Variants in MYRIP observed in about 807,000 individuals in gnomAD.
The protein encoded by MYRIP is rab effector MyRIP.
Under a neutral mutation model 98.0 loss-of-function variants are expected in MYRIP, and 49 were observed. The observed-to-expected ratio is 0.50, with a 90% CI of 0.40 to 0.63. The LOEUF is 0.63. Ranked by LOEUF, MYRIP falls within the 30% of genes least tolerant of loss-of-function variation. MYRIP has a pLI of 0.00. For synonymous variants in MYRIP, 404 were observed against 409.5 expected (o/e 0.99, Z 0.16); for missense variants, 1,004 against 1,058.2 (o/e 0.95, Z 0.71).
chr3:39,962,243 G>A (rs1192798018), intron 2 of MYRIP, among the ~76,000 whole-genome samples: 1 of 152,044 alleles, frequency 6.6e-6, no homozygotes, highest in African/African-American at 2.4e-5. Context: ...AAAAATTTAG[G>A]CATCACCTGA....
intron 11 of MYRIP, among the ~76,000 whole-genome samples, chr3:40,223,292 TAAAAG>T (rs1407234467): frequency 2.0e-5 from 3 of 151,972 alleles, no homozygotes; most frequent in Admixed American, 1.3e-4. Context: ...TTAGAAAAAA[TAAAAG>T]AGGTGTGAAG....
chr3:40,116,021 A>G (rs1307619794), intron 3 of MYRIP, among the ~76,000 whole-genome samples: 1 of 152,190 alleles, frequency 6.6e-6, no homozygotes, highest in Non-Finnish European at 1.5e-5. Context: ...TAGAACAGGT[A>G]TAGAAATTGG....
chr3:39,912,962 C>G (rs1420152778), intron 2 of MYRIP, among the ~76,000 whole-genome samples: 1 of 152,106 alleles, frequency 6.6e-6, no homozygotes, highest in Non-Finnish European at 1.5e-5. Flanking sequence ...ATCACTTGAA[C>G]CCAGGAGGCG....
In MYRIP at chr3:40,170,233, T is replaced by G. The variant is rs997680817; in HGVS notation, c.873+140T>G. 61 of 1,088,646 alleles carry G rather than the reference T, an allele frequency of 5.6e-5. No individual in the cohort carries two copies. In the Middle Eastern group the frequency reaches 9.4e-4, roughly 17 times the overall value. The allele number at this position is 1,088,646 out of a possible 1,614,324, so 67.4% of individuals were successfully genotyped here. ...TGGGGAGCGAAATTGAAAGAGAAAG[T>G]GAGTGTGAGTCGGGGGCCAGGAAGG... On this transcript the variant is annotated intron_variant, in intron 8 of 16. Coordinates refer to ENST00000302541, the MANE Select transcript of MYRIP (RefSeq NM_015460.4).
At chr3:39,857,521 AAGAC>A (rs1942342562) in intron 1 of MYRIP, among the ~76,000 whole-genome samples, 1 of 152,206 alleles carries the variant, frequency 6.6e-6, no homozygotes, top group Non-Finnish European at 1.5e-5. Flanking sequence ...CCTGAACTCT[AAGAC>A]AGGTCAATTG....
chr3:40,140,712 T>A (rs965304826), intron 3 of MYRIP, among the ~76,000 whole-genome samples: 1 of 152,156 alleles, frequency 6.6e-6, no homozygotes, highest in Non-Finnish European at 1.5e-5. Context: ...CTCTAATGAT[T>A]AGTAATTTGA....
chr3:40,133,137 A>G (rs1268958870), intron 3 of MYRIP, among the ~76,000 whole-genome samples: 1 of 152,252 alleles, frequency 6.6e-6, no homozygotes, highest in African/African-American at 2.4e-5. Flanking sequence ...AAGAACACAA[A>G]GTCTACATAA....
chr3:40,093,670 C>T (rs1432104235), intron 3 of MYRIP, among the ~76,000 whole-genome samples: 3 of 152,226 alleles, frequency 2.0e-5, no homozygotes, highest in South Asian at 2.1e-4. Flanking sequence ...TACCTGGGCT[C>T]ATTCTTGTCT....
chr3:40,100,212 G>C (rs1459235089), intron 3 of MYRIP: 2 of 985,300 alleles, frequency 2.0e-6, no homozygotes, highest in Non-Finnish European at 2.4e-6. Flanking sequence ...AGCTAAATTT[G>C]AGTAGAAGAG....
At chr3:40,172,781 C>T (rs1189724249) in intron 8 of MYRIP, among the ~76,000 whole-genome samples, 2 of 152,200 alleles carry the variant, frequency 1.3e-5, no homozygotes, top group East Asian at 1.9e-4. Context: ...TTCCTTCCCC[C>T]ACACAGCCAG....
Position 39,876,361 on chromosome 3 carries a change from T to G in MYRIP, c.-30-24426T>G, listed in dbSNP as rs530409707. Among the ~76,000 whole-genome samples the G allele has an allele frequency of 3.0e-4, 46 of 152,238 alleles. 1 individual carries two copies. The highest frequency in any genetic ancestry group is 9.6e-4 in the African/African-American group (40 of 41,458). ...TTTACATTTAAAGTTAATACTGTTA[T>G]GTGTGAATTTGATCCTGTCATTATG... On this transcript the variant is annotated intron_variant, in intron 1 of 16. Coordinates refer to ENST00000302541, the MANE Select transcript of MYRIP (RefSeq NM_015460.4).
At chr3:40,011,704 G>A (rs1041848761) in intron 2 of MYRIP, among the ~76,000 whole-genome samples, 1 of 152,078 alleles carries the variant, frequency 6.6e-6, no homozygotes, top group Admixed American at 6.5e-5. Flanking sequence ...CAATTTGACA[G>A]ATAGATTTAG....
intron 2 of MYRIP, among the ~76,000 whole-genome samples, chr3:39,944,116 A>G (rs1944849221): frequency 1.3e-5 from 2 of 152,184 alleles, no homozygotes; most frequent in Non-Finnish European, 2.9e-5. Context: ...AGGCTCATAC[A>G]TTACTGAGTG....
intron 1 of MYRIP, among the ~76,000 whole-genome samples, chr3:39,872,395 G>A (rs1278988184): frequency 6.6e-6 from 1 of 151,600 alleles, no homozygotes; most frequent in East Asian, 1.9e-4. Context: ...GTGCAGGTTA[G>A]TTACATATGT....
intron 1 of MYRIP, among the ~76,000 whole-genome samples, chr3:39,846,976 G>T (rs1446352784): frequency 6.6e-6 from 1 of 152,122 alleles, no homozygotes; most frequent in Non-Finnish European, 1.5e-5. Flanking sequence ...CATTCTTTTT[G>T]TTCTATCCAG....
chr3:39,832,679 A>C (rs1941486007), intron 1 of MYRIP, among the ~76,000 whole-genome samples: 1 of 152,200 alleles, frequency 6.6e-6, no homozygotes, highest in Admixed American at 6.5e-5. Context: ...GGAAAGAAAT[A>C]ATTTTAGTGT....
chr3:39,879,439 G>A (rs961989052), intron 1 of MYRIP, among the ~76,000 whole-genome samples: 1 of 151,690 alleles, frequency 6.6e-6, no homozygotes, highest in Admixed American at 6.6e-5. Flanking sequence ...ACATTGTGGA[G>A]GATATAGTAC....
chr3:39,916,120 C>T (rs992383854), intron 2 of MYRIP, among the ~76,000 whole-genome samples: 9 of 152,096 alleles, frequency 5.9e-5, no homozygotes, highest in Admixed American at 1.3e-4. Flanking sequence ...CTTTGTTTTT[C>T]AAGAACAGTC....
chr3:39,886,162 C>T (rs1479500984), intron 1 of MYRIP, among the ~76,000 whole-genome samples: 3 of 151,726 alleles, frequency 2.0e-5, no homozygotes, highest in Admixed American at 2.0e-4. Flanking sequence ...ACCACCAGGC[C>T]TGCCCTAAAA....
Sources: gnomAD v4.1 joint callset for allele counts (sites outside exome capture counted in the v4.1 genomes callset) on GRCh38, gnomAD v4.1.1 for gene constraint, MANE v1.5 for transcripts, NCBI Gene and HGNC (gene_info 2026-07-23, HGNC 2026-07-21) for gene names.